Variants in NOTCH3 observed in about 807,000 individuals in gnomAD.
The protein encoded by NOTCH3 is neurogenic locus notch homolog protein 3.
A neutral mutation model predicts 213.3 loss-of-function variants in NOTCH3; 86 were observed. That is an observed-to-expected ratio of 0.40 (90% CI 0.34 to 0.48). NOTCH3 has a LOEUF of 0.48. Ranked by LOEUF, NOTCH3 falls within the 20% of genes least tolerant of loss-of-function variation. NOTCH3 has a pLI of 0.57. For missense variants in NOTCH3, 2,783 were observed against 3,272.6 expected, an observed-to-expected ratio of 0.85 and a Z score of 3.65; for synonymous variants, 1,354 against 1,355.9, an observed-to-expected ratio of 1.00 and a Z score of 0.03.
Position 15,186,990 on chromosome 19 carries a change from TA to T in NOTCH3, c.1841-3del, listed in dbSNP as rs1308849259. Reference sequence around the variant, plus strand: ...CAATGTTCACTTCGCAGTTCACACCTAGGGGCCAGGAACATGGCATGGAGTG... The same window carrying T: ...CAATGTTCACTTCGCAGTTCACACCTGGGGCCAGGAACATGGCATGGAGTG... On this transcript the variant is annotated splice_polypyrimidine_tract_variant and splice_region_variant and intron_variant, in intron 11 of 32. Transcript: ENST00000263388. The T allele has an allele frequency of 6.2e-7, 1 of 1,613,758 alleles. No individual in the cohort carries two copies. Among genetic ancestry groups the T allele is most frequent in the Non-Finnish European group, 8.5e-7 (1 of 1,179,848 alleles).
At position 15,174,057 on chromosome 19, in the gene NOTCH3, G is replaced by C; in HGVS notation, c.4736+11C>G. On this transcript the variant is annotated intron_variant, in intron 25 of 32. Coordinates refer to ENST00000263388, the MANE Select transcript of NOTCH3 (RefSeq NM_000435.3). ...CCAGCCACCACGGCTTTTCCAGGTGGGGTCACTCACCCGATCACCTCGGGG... is the reference window on the plus strand; with the variant it reads ...CCAGCCACCACGGCTTTTCCAGGTGCGGTCACTCACCCGATCACCTCGGGG... The C allele has an allele frequency of 3.2e-6, 5 of 1,550,002 alleles. No homozygotes were observed. The highest frequency in any genetic ancestry group is 4.4e-6 in the Non-Finnish European group (5 of 1,144,706).
At chr19:15,197,450 C>T in intron 2 of NOTCH3, 50 bp downstream of exon 2, 1 of 890,772 alleles carries the variant, frequency 1.1e-6, no homozygotes. Flanking sequence ...CGCCCCTCCC[C>T]CCCGCCCCCA....
intron 25 of NOTCH3, among the ~76,000 whole-genome samples, chr19:15,171,066 A>G (rs1200193941): frequency 6.6e-6 from 1 of 152,106 alleles, no homozygotes; most frequent in Non-Finnish European, 1.5e-5. Context: ...TTGATCTTGC[A>G]CCGAGGCTGG....
intron 23 of NOTCH3, chr19:15,178,461 T>C (rs1398336507): frequency 2.2e-6 from 1 of 446,216 alleles, no homozygotes; most frequent in African/African-American, 2.0e-5. Flanking sequence ...GATGGCTCAC[T>C]GCAACCTCCG....
At chr19:15,184,586 A>G (rs1599386193) in intron 15 of NOTCH3, 136 bp from the exon 16 acceptor site, 1 of 824,184 alleles carries the variant, frequency 1.2e-6, no homozygotes, top group Non-Finnish European at 1.9e-6. Context: ...GTGTCTGGGC[A>G]TTTTGCATAT....
intron 29 of NOTCH3, among the ~76,000 whole-genome samples, chr19:15,166,575 A>G (rs2046688180): frequency 2.0e-5 from 3 of 152,234 alleles, no homozygotes; most frequent in African/African-American, 7.2e-5. Context: ...CAGCAGCCAG[A>G]GGGACTTCAA....
rs372234123 is a variant in NOTCH3, at chr19:15,161,105, G to A, written c.6523C>T (p.Leu2175=). Residue 2175 remains leucine, a synonymous_variant, in exon 33 of 33, where the codon CTG becomes TTG. Transcript: ENST00000263388. ...GGGCCTGGAGGGGCAGGTGGGGGCAGCCGGGCCCAATCGAGGGGCACAGCC... is the reference window on the plus strand; with the variant it reads ...GGGCCTGGAGGGGCAGGTGGGGGCAACCGGGCCCAATCGAGGGGCACAGCC... ...PVAVPLDWAR[L]PPPAPPGPSF... is the part of the protein sequence containing the mutation. 1 of 1,540,226 alleles carries A rather than the reference G, an allele frequency of 6.5e-7. No individual in the cohort carries two copies. Among genetic ancestry groups the A allele is most frequent in the South Asian group, 1.2e-5 (1 of 84,254 alleles).
chr19:15,165,779 T>C lies in NOTCH3; in HGVS notation c.5667+8A>G, dbSNP rs2046680537. 6.2e-7 allele frequency: 1 copy of C among 1,610,480 alleles called. No individual in the cohort carries two copies. The highest frequency in any genetic ancestry group is 2.2e-5 in the East Asian group (1 of 44,878). On this transcript the variant is annotated splice_region_variant and intron_variant, in intron 30 of 32. Transcript: ENST00000263388. This position sits in a 1 kb window ranked among gnomAD's most constrained non-coding sequence, Gnocchi z 4.7. ...AGCTCTGAGGTCCAAAGTGTGTGCC[T>C]ATCTCACCTGGAAGACACCCTGGGC...
intron 32 of NOTCH3, 21 bp from the exon 33 acceptor site, chr19:15,161,735 G>C (rs2046645894): frequency 1.2e-6 from 2 of 1,608,682 alleles, no homozygotes; most frequent in African/African-American, 2.7e-5. Context: ...AGAACCCACA[G>C]AGGTCAGCGA....
At chr19:15,188,071 G>C in intron 9 of NOTCH3, 77 bp from the exon 10 acceptor site, 1 of 1,241,204 alleles carries the variant, frequency 8.1e-7, no homozygotes, top group Admixed American at 2.0e-5. Flanking sequence ...CGCCTTGTTT[G>C]GGTGGAAAAA....
Position 15,185,370 on chromosome 19 carries a change from C to T in NOTCH3, c.2183G>A (p.Arg728His), listed in dbSNP as rs144935367. 107 of 1,612,062 alleles carry T rather than the reference C, an allele frequency of 6.6e-5. No individual in the cohort carries two copies. The highest frequency in any genetic ancestry group is 5.3e-4 in the African/African-American group (40 of 74,920). ...CVCEPGWSGPRCSQSLARDAC... is the reference protein window; with the variant it reads ...CVCEPGWSGPHCSQSLARDAC... ...GTCTCGGGCCAGGCTCTGGCTGCAG[C>T]GGGGGCCACTCCAGCCAGGCTCACA... is the stretch of plus-strand genomic sequence containing the variant. The change falls in exon 14 of 33, where the codon CGC becomes CAC. Residue 728 changes from arginine to histidine, a missense_variant. Coordinates refer to ENST00000263388, the MANE Select transcript of NOTCH3 (RefSeq NM_000435.3). This position sits in a 1 kb window ranked among gnomAD's most constrained non-coding sequence, Gnocchi z 4.2.
rs2046722417 is a variant in NOTCH3, at chr19:15,170,446, G to T, written c.4999C>A (p.Arg1667Ser). 6.2e-7 allele frequency: 1 copy of T among 1,610,894 alleles called. No homozygotes were observed. ...ILVLGVMVAR[R>S]KREHSTLWFP... ...CAGAGGGTGCTGTGCTCGCGCTTGC[G>T]CCGGGCCACCATGACACCCAGGACG... is the stretch of plus-strand genomic sequence containing the variant. The change falls in exon 27 of 33, where the codon CGC becomes AGC. Residue 1667 changes from arginine to serine, a missense_variant. By Grantham distance (110) the Arg-to-Ser change is moderately radical. Transcript: ENST00000263388.
chr19:15,171,960 T>C (rs1199580092), intron 25 of NOTCH3, among the ~76,000 whole-genome samples: 1 of 151,190 alleles, frequency 6.6e-6, no homozygotes, highest in Non-Finnish European at 1.5e-5. Flanking sequence ...GCAATGGTGC[T>C]ATCTCAGCTC....
In NOTCH3 at chr19:15,180,146, C is replaced by A; in HGVS notation, c.3253G>T (p.Val1085Leu). The change falls in exon 20 of 33, where the codon GTG becomes TTG. Residue 1085 changes from valine to leucine, a missense_variant. Transcript: ENST00000263388. ...CAGGGCTGGGCCAAGCAGGGGTCCA[C>A]CTCCTGCTCACAGTGGCTACCAGTA... is the stretch of plus-strand genomic sequence containing the variant. The part of the protein sequence containing the change: ...GRTGSHCEQE[V>L]DPCLAQPCQH... 6.2e-7 allele frequency: 1 copy of A among 1,613,240 alleles called. No homozygotes were observed. The highest frequency in any genetic ancestry group is 8.5e-7 in the Non-Finnish European group (1 of 1,179,644).
rs1018875653 is a variant in NOTCH3, at chr19:15,199,713, G to A, written c.118+1075C>T. Among the ~76,000 whole-genome samples the A allele has an allele frequency of 1.1e-4, 16 of 152,334 alleles. No homozygotes were observed. The East Asian group carries it at 2.1e-3, about 20-fold the overall frequency. On this transcript the variant is annotated intron_variant, in intron 1 of 32. Coordinates refer to ENST00000263388, the MANE Select transcript of NOTCH3 (RefSeq NM_000435.3). ...GTGTCACAGGCCATGTGTGTGCGCC[G>A]CTGGTCCGGCGGAGGCGGCGGCTCC...
intron 32 of NOTCH3, chr19:15,162,211 A>C: frequency 3.9e-6 from 2 of 506,966 alleles, no homozygotes; most frequent in Non-Finnish European, 3.6e-6. Context: ...CAAACTCCTG[A>C]ACTCAAGTAA....
rs533424388 is a variant in NOTCH3 at position 15,167,640 on chromosome 19, G to A, written c.5200-229C>T. On this transcript the variant is annotated intron_variant, in intron 28 of 32. Transcript: ENST00000263388. ...ATGATCTCAGCTCACTGCAACCCCC[G>A]CCTCCCGGGTTCAAGTGATTCTCCT... is the stretch of plus-strand genomic sequence containing the variant. Among the ~76,000 whole-genome samples, 145 of 152,108 alleles carry A rather than the reference G, an allele frequency of 9.5e-4. 1 individual carries two copies. Among genetic ancestry groups the A allele is most frequent in the African/African-American group, 3.2e-3 (134 of 41,490 alleles).
At chr19:15,175,533 T>TA (rs34762214) in intron 24 of NOTCH3, among the ~76,000 whole-genome samples, 2,343 of 44,200 alleles carry the variant, frequency 0.053, 160 homozygotes, top group Non-Finnish European at 0.063. Flanking sequence ...AAATCCTGTC[T>TA]AAAAAAAAAA....
chr19:15,189,463 T>C (rs1265331233), intron 6 of NOTCH3, 35 bp from the exon 7 acceptor site: 1 of 1,611,256 alleles, frequency 6.2e-7, no homozygotes, highest in African/African-American at 1.3e-5. Context: ...TAGGCAGATC[T>C]TCCTGCTCTG....
Sources: allele counts gnomAD v4.1 joint callset (sites outside exome capture counted in the v4.1 genomes callset), GRCh38; gene constraint gnomAD v4.1.1; non-coding constraint Gnocchi (gnomAD v3.1); transcripts MANE v1.5; gene names NCBI Gene and HGNC (gene_info 2026-07-23, HGNC 2026-07-21).